TSHZ3: variants seen among roughly 807,000 people sequenced by gnomAD.
TSHZ3 encodes teashirt zinc finger homeobox 3, also known as teashirt homolog 3.
Under a neutral mutation model 64.5 loss-of-function variants are expected in TSHZ3, and 10 were observed. The ratio of observed to expected loss-of-function variants is 0.16; its 90% CI spans 0.10 to 0.26. The LOEUF (loss-of-function observed/expected upper bound fraction) is 0.26, where lower values mean the gene tolerates loss of function less well. TSHZ3 is among the 10% of genes least tolerant of loss of function. TSHZ3 has a pLI of 1.00. For missense variants in TSHZ3, 1,242 were observed against 1,421.7 expected, an observed-to-expected ratio of 0.87 and a Z score of 2.03; for synonymous variants, 608 against 593.1, an observed-to-expected ratio of 1.03 and a Z score of -0.36.
chr19:31,285,962 C>A (rs1281400145), intron 1 of TSHZ3, among the ~76,000 whole-genome samples: 1 of 152,086 alleles, frequency 6.6e-6, no homozygotes, highest in Non-Finnish European at 1.5e-5. Context: ...TCAAACCAAA[C>A]CAACAGCTGC....
intron 1 of TSHZ3, among the ~76,000 whole-genome samples, chr19:31,343,498 G>A (rs1350482688): frequency 6.6e-6 from 1 of 152,004 alleles, no homozygotes; most frequent in East Asian, 1.9e-4. Flanking sequence ...TTTTTAAATG[G>A]GGCTTATAAA....
chr19:31,237,653 T>C (rs1024656585), intron 3 of TSHZ3, among the ~76,000 whole-genome samples: 1 of 152,178 alleles, frequency 6.6e-6, no homozygotes, highest in Non-Finnish European at 1.5e-5. Context: ...GCTTTGAGCT[T>C]ATTTTCTTTT....
At chr19:31,161,774 G>A in intron 5 of TSHZ3, among the ~76,000 whole-genome samples, 1 of 152,106 alleles carries the variant, frequency 6.6e-6, no homozygotes, top group East Asian at 1.9e-4. Flanking sequence ...TTCTGTAAAG[G>A]GCCAGATAGT....
chr19:31,324,525 C>A (rs1216359706), intron 1 of TSHZ3, among the ~76,000 whole-genome samples: 1 of 152,246 alleles, frequency 6.6e-6, no homozygotes, highest in Non-Finnish European at 1.5e-5. Flanking sequence ...ACCTTCCAAA[C>A]CCAAAAGAAT....
At chr19:31,251,417 C>T (rs1975840250) in intron 1 of TSHZ3, among the ~76,000 whole-genome samples, 1 of 152,290 alleles carries the variant, frequency 6.6e-6, no homozygotes, top group South Asian at 2.1e-4. Context: ...TATTCCAAAG[C>T]TGTTCTGGCC....
chr19:31,322,514 G>A (rs191133929), intron 1 of TSHZ3, among the ~76,000 whole-genome samples: 2 of 152,090 alleles, frequency 1.3e-5, no homozygotes, highest in African/African-American at 4.8e-5. Flanking sequence ...ATGAACTCCT[G>A]GGCTCAAGGG....
At chr19:31,341,603 GCACT>G (rs1248046771) in intron 1 of TSHZ3, among the ~76,000 whole-genome samples, 13 of 144,996 alleles carry the variant, frequency 9.0e-5, no homozygotes, top group Middle Eastern at 3.2e-3. Context: ...CTGCTAGCAT[GCACT>G]CACTCTCTCT....
intron 5 of TSHZ3, among the ~76,000 whole-genome samples, chr19:31,179,234 G>A (rs1257763844): frequency 1.3e-5 from 2 of 152,166 alleles, no homozygotes; most frequent in African/African-American, 2.4e-5. Flanking sequence ...TGACCTGAAG[G>A]GCCAGGGAAG....
intron 5 of TSHZ3, among the ~76,000 whole-genome samples, chr19:31,183,226 C>T (rs73031839): frequency 0.028 from 523 of 18,570 alleles, 1 homozygote; most frequent in African/African-American, 0.082. Flanking sequence ...CTCTCTCTCT[C>T]TTTCTCTCTC....
intron 1 of TSHZ3, among the ~76,000 whole-genome samples, chr19:31,345,557 G>A (rs533258072): frequency 6.6e-6 from 1 of 152,334 alleles, no homozygotes; most frequent in African/African-American, 2.4e-5. Context: ...TTTCACAAAA[G>A]TCAAGATGCT....
intron 3 of TSHZ3, among the ~76,000 whole-genome samples, chr19:31,228,357 G>A (rs193071987): frequency 6.6e-6 from 1 of 151,878 alleles, no homozygotes; most frequent in Non-Finnish European, 1.5e-5. Flanking sequence ...GAAACCCTAT[G>A]TCTACAAAAA....
chr19:31,151,942 T>TCA (rs1373005617), intron 6 of TSHZ3, among the ~76,000 whole-genome samples: 1 of 152,134 alleles, frequency 6.6e-6, no homozygotes, highest in Admixed American at 6.5e-5. Context: ...GTTTAATTAT[T>TCA]CACACACACA....
rs988023308 is a variant in TSHZ3, at chr19:31,349,057, C to T, written c.40+123G>A. ...CGCACGCACCCAAACAGGAGAGCGG[C>T]GCCCGGAGTTACTCAGTGCGGGCAG... On this transcript the variant is annotated intron_variant, in intron 1 of 1. Coordinates refer to ENST00000240587, the MANE Select transcript of TSHZ3 (RefSeq NM_020856.4). 2.5e-5 allele frequency: 32 copies of T among 1,270,028 alleles called. No homozygotes were observed. In the African/African-American group the frequency reaches 3.3e-4, roughly 13 times the overall value. The allele number at this position is 1,270,028 out of a possible 1,614,324, so 78.7% of individuals were successfully genotyped here. A position where few individuals can be genotyped will look rare whatever the true frequency, so the allele number is the denominator to read the frequency against.
chr19:31,262,440 C>A (rs1975992116), intron 1 of TSHZ3, among the ~76,000 whole-genome samples: 4 of 152,152 alleles, frequency 2.6e-5, no homozygotes, highest in Admixed American at 2.6e-4. Flanking sequence ...TCCCACTCCA[C>A]CTCTTAAAAA....
At chr19:31,189,953 AT>A (rs1473405203) in intron 5 of TSHZ3, among the ~76,000 whole-genome samples, 1 of 152,180 alleles carries the variant, frequency 6.6e-6, no homozygotes, top group African/African-American at 2.4e-5. Flanking sequence ...TCATCAAAAA[AT>A]GACCTTCTTA....
intron 1 of TSHZ3, among the ~76,000 whole-genome samples, chr19:31,283,718 C>G (rs1218341811): frequency 6.6e-6 from 1 of 152,240 alleles, no homozygotes; most frequent in African/African-American, 2.4e-5. Context: ...CTGGTTCATT[C>G]TCTGCAAACG....
intron 4 of TSHZ3, among the ~76,000 whole-genome samples, chr19:31,212,317 G>C (rs775121988): frequency 9.9e-5 from 15 of 152,018 alleles, no homozygotes; most frequent in Non-Finnish European, 2.2e-4. Context: ...AATTAGCCGG[G>C]CGTGGTGGTG....
intron 1 of TSHZ3, among the ~76,000 whole-genome samples, chr19:31,268,186 G>A (rs1172677272): frequency 2.0e-5 from 3 of 152,090 alleles, no homozygotes; most frequent in Non-Finnish European, 2.9e-5. Flanking sequence ...CTCAATGGCC[G>A]TGAGACCTCC....
At chr19:31,171,676 T>C (rs962544766) in intron 5 of TSHZ3, among the ~76,000 whole-genome samples, 1 of 151,988 alleles carries the variant, frequency 6.6e-6, no homozygotes, top group Non-Finnish European at 1.5e-5. Flanking sequence ...AGAAAAGATA[T>C]AATGGCCTAT....
Sources: gnomAD v4.1 joint callset for allele counts (sites outside exome capture counted in the v4.1 genomes callset) on GRCh38, gnomAD v4.1.1 for gene constraint, MANE v1.5 for transcripts, NCBI Gene and HGNC (gene_info 2026-07-23, HGNC 2026-07-21) for gene names.